Variants in TRAPPC11 observed in about 807,000 individuals in gnomAD.
The protein encoded by TRAPPC11 is trafficking protein particle complex subunit 11.
In TRAPPC11, 104 loss-of-function variants were observed where a neutral mutation model predicts 151.2. That is an observed-to-expected ratio of 0.69 (90% CI 0.59 to 0.81). The LOEUF is 0.81. TRAPPC11 is among the 30% of genes least tolerant of loss of function. TRAPPC11 has a pLI of 0.00. For synonymous variants in TRAPPC11, 456 were observed against 472.3 expected (o/e 0.97, Z 0.45); for missense variants, 1,230 against 1,349.6 (o/e 0.91, Z 1.39).
chr4:183,684,399 T>C, intron 14 of TRAPPC11, 40 bp downstream of exon 14: 1 of 1,544,572 alleles, frequency 6.5e-7, no homozygotes, highest in Non-Finnish European at 8.9e-7. Flanking sequence ...AGTATTTGGA[T>C]TATCTGAAGT....
At position 183,674,779 on chromosome 4, in the gene TRAPPC11, T is replaced by A. The variant is rs200367113; in HGVS notation, c.627T>A (p.Ser209=). 2 of 1,595,792 alleles carry A rather than the reference T, an allele frequency of 1.3e-6. No individual in the cohort carries two copies. The highest frequency in any genetic ancestry group is 4.6e-5 in the East Asian group (2 of 43,638). The change falls in exon 6 of 30, where the codon TCT becomes TCA. Residue 209 remains serine, a synonymous_variant. Coordinates refer to ENST00000334690, the MANE Select transcript of TRAPPC11 (RefSeq NM_021942.6). Reference sequence around the variant, plus strand: ...ACACTGAGATCAGAAGAGTGAAATCTCATAAAGAATTTTTGAATAAAACAA... The same window carrying A: ...ACACTGAGATCAGAAGAGTGAAATCACATAAAGAATTTTTGAATAAAACAA... ...YYYTEIRRVK[S]HKEFLNKTTH...
chr4:183,695,036 C>T (rs1244728654), intron 23 of TRAPPC11, among the ~76,000 whole-genome samples: 1 of 151,196 alleles, frequency 6.6e-6, no homozygotes, highest in Non-Finnish European at 1.5e-5. Flanking sequence ...GCGACCTCCA[C>T]CTCCCGGGTT....
At chr4:183,692,858 G>A in intron 19 of TRAPPC11, 102 bp from the exon 20 acceptor site, 1 of 1,043,998 alleles carries the variant, frequency 9.6e-7, no homozygotes, top group Non-Finnish European at 1.4e-6. Flanking sequence ...GTCTCTAGAT[G>A]AACTCCATGG....
At chr4:183,710,129 A>G (rs531339683) in intron 29 of TRAPPC11, among the ~76,000 whole-genome samples, 3 of 152,100 alleles carry the variant, frequency 2.0e-5, no homozygotes, top group Non-Finnish European at 4.4e-5. Flanking sequence ...AAAAGGAGAG[A>G]TTTTTGGTTC....
At chr4:183,680,065 A>C in intron 9 of TRAPPC11, 55 bp from the exon 10 acceptor site, 36 of 1,490,650 alleles carry the variant, frequency 2.4e-5, no homozygotes, top group Non-Finnish European at 3.0e-5. Flanking sequence ...ATTACCAGAA[A>C]TAAGCTTCTT....
intron 16 of TRAPPC11, 23 bp from the exon 17 acceptor site, chr4:183,685,248 A>C: frequency 6.2e-7 from 1 of 1,612,734 alleles, no homozygotes; most frequent in African/African-American, 1.3e-5. Context: ...AGTTGAATGG[A>C]TGTTAACTCT....
intron 29 of TRAPPC11, among the ~76,000 whole-genome samples, chr4:183,712,292 G>T (rs182982920): frequency 2.0e-5 from 3 of 152,180 alleles, no homozygotes; most frequent in Non-Finnish European, 2.9e-5. Flanking sequence ...CTGCTGGAAC[G>T]CAGGGTTGAG....
intron 11 of TRAPPC11, among the ~76,000 whole-genome samples, chr4:183,683,523 A>G (rs1213600602): frequency 6.6e-6 from 1 of 151,436 alleles, no homozygotes; most frequent in Non-Finnish European, 1.5e-5. Context: ...TTAGCCACAC[A>G]TAGTGGCATG....
intron 29 of TRAPPC11, among the ~76,000 whole-genome samples, chr4:183,708,879 A>G (rs1236150838): frequency 6.6e-6 from 1 of 152,216 alleles, no homozygotes; most frequent in Admixed American, 6.5e-5. Context: ...ATTTCATCAA[A>G]ATGAATTAAC....
intron 10 of TRAPPC11, 43 bp downstream of exon 10, chr4:183,680,310 T>C (rs755432336): frequency 2.5e-6 from 4 of 1,587,232 alleles, no homozygotes; most frequent in Non-Finnish European, 3.4e-6. Context: ...AGAAAAGTTA[T>C]TCTTCTTTTG....
intron 25 of TRAPPC11, among the ~76,000 whole-genome samples, chr4:183,700,114 T>A (rs1339220299): frequency 6.6e-6 from 1 of 152,156 alleles, no homozygotes; most frequent in Non-Finnish European, 1.5e-5. Context: ...GCCCAGCCAA[T>A]GTTAATTATT....
intron 12 of TRAPPC11, 40 bp downstream of exon 12, chr4:183,684,094 T>G: frequency 6.2e-7 from 1 of 1,606,448 alleles, no homozygotes; most frequent in South Asian, 1.1e-5. Flanking sequence ...TTTACACTAT[T>G]TAAGAAAAAT....
At chr4:183,674,866 T>C in intron 6 of TRAPPC11, 54 bp downstream of exon 6, 1 of 1,114,876 alleles carries the variant, frequency 9.0e-7, no homozygotes, top group Non-Finnish European at 1.3e-6. Context: ...ATTATTATTT[T>C]TGAGGTGATT....
intron 22 of TRAPPC11, 65 bp downstream of exon 22, chr4:183,694,103 G>A: frequency 1.9e-6 from 3 of 1,557,214 alleles, no homozygotes; most frequent in Non-Finnish European, 2.6e-6. Flanking sequence ...TATATAGTGA[G>A]TTTTTAACAG....
chr4:183,713,059 C>A lies in TRAPPC11; in HGVS notation c.*415C>A. 5.8e-6 allele frequency: 1 copy of A among 172,278 alleles called. No homozygotes were observed. 10.7% of individuals were successfully genotyped at this position (172,278 alleles called of 1,614,324 possible). ...GTGTCTCTTTCAGAGCTGGCCAGAC[C>A]GGAAATAAATCATTCTCATAAATTC... is the stretch of plus-strand genomic sequence containing the variant. On this transcript the variant is annotated 3_prime_UTR_variant, in exon 30 of 30. Coordinates refer to ENST00000334690, the MANE Select transcript of TRAPPC11 (RefSeq NM_021942.6).
intron 26 of TRAPPC11, among the ~76,000 whole-genome samples, chr4:183,704,558 A>G (rs1293401357): frequency 6.7e-6 from 1 of 150,088 alleles, no homozygotes; most frequent in Non-Finnish European, 1.5e-5. Context: ...GCATGCCTGT[A>G]ATCCCAGCAC....
chr4:183,687,407 A>T (rs868066457), intron 18 of TRAPPC11, among the ~76,000 whole-genome samples: 1 of 151,890 alleles, frequency 6.6e-6, no homozygotes, highest in South Asian at 2.1e-4. Context: ...TGGTGCAATC[A>T]TAGCTCACTG....
rs189287013 is a variant in TRAPPC11, at chr4:183,671,442, C to T, written c.561-3271C>T. Among the ~76,000 whole-genome samples, 21 of 152,284 alleles carry T rather than the reference C, an allele frequency of 1.4e-4. No homozygotes were observed. The East Asian group carries it at 3.1e-3, about 22-fold the overall frequency. On this transcript the variant is annotated intron_variant, in intron 5 of 29. Transcript: ENST00000334690. ...AAAGGAAGAAAGGATGTAAGGACCC[C>T]ACCCCTCATCCCCCGCAGCCCCAAC...
At chr4:183,685,588 T>C (rs1455669609) in intron 17 of TRAPPC11, among the ~76,000 whole-genome samples, 185 bp downstream of exon 17, 1 of 152,226 alleles carries the variant, frequency 6.6e-6, no homozygotes, top group Non-Finnish European at 1.5e-5. Context: ...TCTTAAATAC[T>C]TGACTTATGT....
Sources: allele counts gnomAD v4.1 joint callset (sites outside exome capture counted in the v4.1 genomes callset), GRCh38; gene constraint gnomAD v4.1.1; transcripts MANE v1.5; gene names NCBI Gene and HGNC (gene_info 2026-07-23, HGNC 2026-07-21).